SPTBN1: variants seen among roughly 807,000 people sequenced by gnomAD.
SPTBN1 encodes spectrin beta, non-erythrocytic 1, also known as spectrin beta chain, non-erythrocytic 1.
SPTBN1 carries 32 observed loss-of-function variants against 266.4 expected under a neutral mutation model. The ratio of observed to expected loss-of-function variants is 0.12; its 90% CI spans 0.09 to 0.16. The LOEUF is 0.16. Ranked by LOEUF, SPTBN1 falls within the 10% of genes least tolerant of loss-of-function variation. SPTBN1 has a pLI of 1.00. For synonymous variants in SPTBN1, 1,336 were observed against 1,162.2 expected (o/e 1.15, Z -3.04); for missense variants, 2,296 against 3,067.1 (o/e 0.75, Z 5.94).
At position 54,631,302 on chromosome 2, in the gene SPTBN1, C is replaced by A; in HGVS notation, c.3255C>A (p.Ile1085=). 6.2e-7 allele frequency: 1 copy of A among 1,614,198 alleles called. No individual in the cohort carries two copies. The highest frequency in any genetic ancestry group is 2.2e-5 in the East Asian group (1 of 44,882). Residue 1085 remains isoleucine, a synonymous_variant, in exon 16 of 36, where the codon ATC becomes ATA. Coordinates refer to ENST00000356805, the MANE Select transcript of SPTBN1 (RefSeq NM_003128.3). ...QSWLSRTQTA[I]ASEDMPNTLT... ...GGCTCTCTAGGACCCAGACAGCGAT[C>A]GCCTCGGAGGACATGCCAAACACCC... is the stretch of plus-strand genomic sequence containing the variant.
chr2:54,473,005 C>T (rs765875151), intron 1 of SPTBN1, among the ~76,000 whole-genome samples: 29 of 152,144 alleles, frequency 1.9e-4, no homozygotes, highest in Non-Finnish European at 2.5e-4. Context: ...GTCCTTTAGA[C>T]GTTTAGATTG....
Position 54,557,106 on chromosome 2 carries a change from G to T in SPTBN1, c.148+30540G>T, listed in dbSNP as rs550158143. On this transcript the variant is annotated intron_variant, in intron 2 of 35. Transcript: ENST00000356805. ...TTCAAAAGCCAAAGGTTGACATGTG[G>T]AAGTATTAAAAACCTAGTTATGTGG... Among the ~76,000 whole-genome samples, 470 of 152,324 alleles carry T rather than the reference G, an allele frequency of 3.1e-3. 2 individuals carry two copies. Among genetic ancestry groups the T allele is most frequent in the Non-Finnish European group, 5.9e-3 (401 of 68,036 alleles).
At chr2:54,528,698 G>GT (rs1174864991) in intron 2 of SPTBN1, 1 of 70,568 alleles carries the variant, frequency 1.4e-5, no homozygotes, top group Non-Finnish European at 2.6e-5. Flanking sequence ...ATTCAGTAAA[G>GT]TAAAAAAAAA....
rs991471505 is a variant in SPTBN1 at position 54,619,510 on chromosome 2, A to G, written c.763+1317A>G. The stretch of plus-strand genomic sequence containing the variant: ...ATGAAAAGGGGGATTGATGTTCCCC[A>G]GATCACAAGACGAGGAGCTAAAAAT... On this transcript the variant is annotated intron_variant, in intron 7 of 35. Coordinates refer to ENST00000356805, the MANE Select transcript of SPTBN1 (RefSeq NM_003128.3). Among the ~76,000 whole-genome samples, 19 of 152,326 alleles carry G rather than the reference A, an allele frequency of 1.2e-4. 1 individual carries two copies. In the South Asian group the frequency reaches 3.3e-3, roughly 27 times the overall value.
At chr2:54,536,162 C>A (rs891926694) in intron 2 of SPTBN1, among the ~76,000 whole-genome samples, 4 of 152,322 alleles carry the variant, frequency 2.6e-5, no homozygotes, top group African/African-American at 9.6e-5. Flanking sequence ...ACACAGTTAA[C>A]CCCTTTGCCA....
At chr2:54,550,218 G>T (rs1226238978) in intron 2 of SPTBN1, among the ~76,000 whole-genome samples, 1 of 152,182 alleles carries the variant, frequency 6.6e-6, no homozygotes, top group Non-Finnish European at 1.5e-5. Flanking sequence ...TACTTACGAG[G>T]CAGCTGGCAG....
chr2:54,477,898 A>T (rs1370088293), intron 1 of SPTBN1, among the ~76,000 whole-genome samples: 1 of 150,334 alleles, frequency 6.7e-6, no homozygotes, highest in East Asian at 1.9e-4. Flanking sequence ...GTGACAGAGT[A>T]AGAGTCCATC....
chr2:54,629,969 T>C lies in SPTBN1; in HGVS notation c.2747T>C (p.Met916Thr), dbSNP rs1395463420. Reference sequence around the variant, plus strand: ...GTGAACCAGATTGCACGCCAGCTGATGCACAGCGGCCACCCAAGTGAGAAG... The same window carrying C: ...GTGAACCAGATTGCACGCCAGCTGACGCACAGCGGCCACCCAAGTGAGAAG... ...AVVNQIARQLMHSGHPSEKEI... is the reference protein window; with the variant it reads ...AVVNQIARQLTHSGHPSEKEI... Residue 916 changes from methionine to threonine, a missense_variant, in exon 15 of 36, where the codon ATG (methionine) becomes ACG (threonine). Met to Thr is a moderately conservative substitution (Grantham distance 81, BLOSUM62 -1). Around this residue, in one of 12 missense-constraint regions of SPTBN1, gnomAD observed 128 missense variants for 176.5 expected, o/e 0.73. Coordinates refer to ENST00000356805, the MANE Select transcript of SPTBN1 (RefSeq NM_003128.3). 6.2e-7 allele frequency: 1 copy of C among 1,614,126 alleles called. No individual in the cohort carries two copies. The highest frequency in any genetic ancestry group is 1.1e-5 in the South Asian group (1 of 91,086).
chr2:54,460,360 T>C (rs1693297245), intron 1 of SPTBN1, among the ~76,000 whole-genome samples: 1 of 152,252 alleles, frequency 6.6e-6, no homozygotes, highest in South Asian at 2.1e-4. Context: ...TAATACAAAA[T>C]TATTTTATAA....
At chr2:54,614,276 A>G (rs1433463035) in intron 4 of SPTBN1, among the ~76,000 whole-genome samples, 2 of 152,064 alleles carry the variant, frequency 1.3e-5, no homozygotes, top group African/African-American at 2.4e-5. Context: ...CTATAAGGAT[A>G]CTCCACATAT....
chr2:54,560,861 T>C (rs1673250327), intron 2 of SPTBN1, among the ~76,000 whole-genome samples: 2 of 152,218 alleles, frequency 1.3e-5, no homozygotes. Context: ...TTTGTCAGCA[T>C]CCTTCAGAAC....
At chr2:54,621,840 A>G (rs1370247918) in intron 8 of SPTBN1, among the ~76,000 whole-genome samples, 1 of 152,220 alleles carries the variant, frequency 6.6e-6, no homozygotes. Flanking sequence ...AGGCCCCAGC[A>G]TCGTGCTTTT....
Position 54,594,103 on chromosome 2 carries a change from A to G in SPTBN1, c.149-4989A>G, listed in dbSNP as rs185202104. ...ACCTCGGCCTCCCAAAGCTGGGATTATAGGTGTGAGCCACTGTGTCTGGCA... is the reference window on the plus strand; with the variant it reads ...ACCTCGGCCTCCCAAAGCTGGGATTGTAGGTGTGAGCCACTGTGTCTGGCA... On this transcript the variant is annotated intron_variant, in intron 2 of 35. Coordinates refer to ENST00000356805, the MANE Select transcript of SPTBN1 (RefSeq NM_003128.3). Among the ~76,000 whole-genome samples the G allele has an allele frequency of 3.9e-5, 6 of 152,228 alleles. No homozygotes were observed. The East Asian group carries it at 7.7e-4, about 20-fold the overall frequency.
At chr2:54,527,109 C>G (rs1266925747) in intron 2 of SPTBN1, 1 of 152,380 alleles carries the variant, frequency 6.6e-6, no homozygotes, top group Admixed American at 6.5e-5. Flanking sequence ...TCCCTTGTTG[C>G]TGGTGAACAC....
At chr2:54,594,448 T>C (rs1470934206) in intron 2 of SPTBN1, among the ~76,000 whole-genome samples, 3 of 152,200 alleles carry the variant, frequency 2.0e-5, no homozygotes, top group Non-Finnish European at 4.4e-5. Flanking sequence ...TACAGGAAGA[T>C]GTATGTTGGT....
intron 20 of SPTBN1, 27 bp downstream of exon 20, chr2:54,644,613 G>A (rs1324868760): frequency 1.9e-6 from 3 of 1,584,230 alleles, no homozygotes; most frequent in Non-Finnish European, 8.6e-7. Context: ...TCATGGACTT[G>A]GGTGTATTTC....
intron 9 of SPTBN1, 133 bp from the exon 10 acceptor site, chr2:54,623,346 T>C: frequency 1.3e-6 from 1 of 743,722 alleles, no homozygotes; most frequent in Non-Finnish European, 2.3e-6. Flanking sequence ...TAATAGCCAA[T>C]AAGCAACCTA....
rs113979298 is a variant in SPTBN1, at chr2:54,579,647, C to T, written c.149-19445C>T. 1.3e-3 allele frequency among the ~76,000 whole-genome samples: 193 copies of T among 152,318 alleles called. 2 individuals are homozygous for T. Among genetic ancestry groups the T allele is most frequent in the African/African-American group, 4.0e-3 (166 of 41,560 alleles). The stretch of plus-strand genomic sequence containing the variant: ...TTTGAACTGGGAAGATATATTGCTG[C>T]ATGGAGTTCTGAAAAGTACCTTTGT... On this transcript the variant is annotated intron_variant, in intron 2 of 35. Transcript: ENST00000356805.
chr2:54,463,416 G>A (rs1693467689), intron 1 of SPTBN1, among the ~76,000 whole-genome samples: 1 of 152,222 alleles, frequency 6.6e-6, no homozygotes, highest in African/African-American at 2.4e-5. Context: ...CCTCAGTGGA[G>A]CTGGAGAGAG....
Sources: allele counts gnomAD v4.1 joint callset (sites outside exome capture counted in the v4.1 genomes callset), GRCh38; gene constraint gnomAD v4.1.1; regional missense constraint gnomAD v4.1.1; transcripts MANE v1.5; gene names NCBI Gene and HGNC (gene_info 2026-07-23, HGNC 2026-07-21).